Variants in ENAH observed in about 807,000 individuals in gnomAD.
The protein encoded by ENAH is protein enabled homolog.
A neutral mutation model predicts 78.7 loss-of-function variants in ENAH; 23 were observed. The observed-to-expected ratio is 0.29, with a 90% CI of 0.21 to 0.41. The LOEUF (loss-of-function observed/expected upper bound fraction) is 0.41. ENAH is among the 10% of genes least tolerant of loss of function. The pLI is 1.00. For missense variants in ENAH, 544 were observed against 691.0 expected, an observed-to-expected ratio of 0.79 and a Z score of 2.39; for synonymous variants, 226 against 241.0, an observed-to-expected ratio of 0.94 and a Z score of 0.58.
chr1:225,607,893 G>A (rs2096964912), intron 1 of ENAH, among the ~76,000 whole-genome samples: 1 of 152,108 alleles, frequency 6.6e-6, no homozygotes. Context: ...CCATGTCACA[G>A]GCCCATACCA....
intron 12 of ENAH, among the ~76,000 whole-genome samples, chr1:225,500,322 A>T (rs2096274837): frequency 6.6e-6 from 1 of 152,228 alleles, no homozygotes; most frequent in South Asian, 2.1e-4. Flanking sequence ...TATAAGGCAT[A>T]TGAATCCAAA....
At chr1:225,550,647 T>C (rs1024035777) in intron 3 of ENAH, among the ~76,000 whole-genome samples, 1 of 152,090 alleles carries the variant, frequency 6.6e-6, no homozygotes, top group African/African-American at 2.4e-5. Flanking sequence ...GGCCAAATTA[T>C]CATTAAAAAA....
chr1:225,635,562 G>A (rs1053215678), intron 1 of ENAH, among the ~76,000 whole-genome samples: 2 of 152,202 alleles, frequency 1.3e-5, no homozygotes, highest in South Asian at 2.1e-4. Flanking sequence ...ACTAATGAGA[G>A]AGATGAATGA....
intron 1 of ENAH, among the ~76,000 whole-genome samples, chr1:225,642,069 C>T (rs1021766372): frequency 5.3e-5 from 8 of 151,674 alleles, no homozygotes; most frequent in African/African-American, 2.4e-5. Context: ...GGCATGGTGA[C>T]GCACACCTGT....
intron 11 of ENAH, among the ~76,000 whole-genome samples, chr1:225,501,999 T>A (rs1369550558): frequency 6.6e-6 from 1 of 152,216 alleles, no homozygotes; most frequent in African/African-American, 2.4e-5. Flanking sequence ...CCCTCCTTTA[T>A]GAGCCACAAA....
At chr1:225,650,848 TAAAAAAAAAAAAAA>T (rs746549168) in intron 1 of ENAH, among the ~76,000 whole-genome samples, 1 of 58,938 alleles carries the variant, frequency 1.7e-5, no homozygotes, top group Non-Finnish European at 3.0e-5. Flanking sequence ...AGACTGCATT[TAAAAAAAAAAAAAA>T]AAAAAAAAAA....
intron 1 of ENAH, among the ~76,000 whole-genome samples, chr1:225,577,426 A>G (rs1426015125): frequency 6.6e-6 from 1 of 152,262 alleles, no homozygotes; most frequent in Non-Finnish European, 1.5e-5. Context: ...AGCAGATGCA[A>G]ATAACGGCAG....
At chr1:225,602,736 G>A (rs2096937235) in intron 1 of ENAH, among the ~76,000 whole-genome samples, 1 of 151,942 alleles carries the variant, frequency 6.6e-6, no homozygotes, top group Admixed American at 6.6e-5. Flanking sequence ...GGCCAACACT[G>A]TAAAAAATAA....
chr1:225,648,717 G>A (rs1340274411), intron 1 of ENAH, among the ~76,000 whole-genome samples: 1 of 149,150 alleles, frequency 6.7e-6, no homozygotes, highest in Non-Finnish European at 1.5e-5. Context: ...TATCTCACTT[G>A]ACACTTCACA....
intron 1 of ENAH, among the ~76,000 whole-genome samples, chr1:225,574,183 A>G (rs2096776635): frequency 6.6e-6 from 1 of 152,226 alleles, no homozygotes; most frequent in Non-Finnish European, 1.5e-5. Context: ...ATGACATTTC[A>G]AAGATTAAAG....
At chr1:225,594,812 C>T (rs1283501957) in intron 1 of ENAH, among the ~76,000 whole-genome samples, 1 of 152,176 alleles carries the variant, frequency 6.6e-6, no homozygotes, top group Non-Finnish European at 1.5e-5. Flanking sequence ...CTCTTTATGA[C>T]ATCTTTGCTA....
chr1:225,592,862 A>C (rs1158254538), intron 1 of ENAH, among the ~76,000 whole-genome samples: 1 of 152,150 alleles, frequency 6.6e-6, no homozygotes, highest in Non-Finnish European at 1.5e-5. Flanking sequence ...TCTGCTCACA[A>C]CTACTTTATA....
At chr1:225,558,779 G>A (rs1451516129) in intron 2 of ENAH, among the ~76,000 whole-genome samples, 4 of 151,734 alleles carry the variant, frequency 2.6e-5, no homozygotes, top group Non-Finnish European at 4.4e-5. Context: ...GACTACAGGC[G>A]CCCGCCAACA....
intron 1 of ENAH, among the ~76,000 whole-genome samples, chr1:225,609,121 C>G (rs751749637): frequency 4.6e-5 from 7 of 151,768 alleles, no homozygotes; most frequent in Non-Finnish European, 7.4e-5. Flanking sequence ...AAATCCCACT[C>G]CAGGAAGCAA....
rs564198044 is a variant in ENAH, at chr1:225,620,877, C to T, written c.5+31809G>A. 2.6e-5 allele frequency among the ~76,000 whole-genome samples: 4 copies of T among 151,888 alleles called. No individual in the cohort carries two copies. In the East Asian group the frequency reaches 5.9e-4, roughly 22 times the overall value. On this transcript the variant is annotated intron_variant, in intron 1 of 13. Transcript: ENST00000366843. ...AAAATTAGCTGGGCATGGTGGCGGG[C>T]GCCTGTATTCCCAGCTACTCAGGAG...
At chr1:225,520,253 C>T (rs1189291799) in intron 4 of ENAH, among the ~76,000 whole-genome samples, 1 of 151,566 alleles carries the variant, frequency 6.6e-6, no homozygotes, top group Non-Finnish European at 1.5e-5. Context: ...CGAGATCGTG[C>T]CACTGCACTC....
At chr1:225,626,810 C>T (rs1388489892) in intron 1 of ENAH, among the ~76,000 whole-genome samples, 2 of 152,152 alleles carry the variant, frequency 1.3e-5, no homozygotes, top group Non-Finnish European at 2.9e-5. Flanking sequence ...GGCAAAACCA[C>T]AATAGCGTTC....
chr1:225,624,291 AT>A (rs1225485471), intron 1 of ENAH, among the ~76,000 whole-genome samples: 1 of 152,102 alleles, frequency 6.6e-6, no homozygotes, highest in African/African-American at 2.4e-5. Context: ...AAAATTTAAG[AT>A]TAGCTGGTAG....
intron 3 of ENAH, among the ~76,000 whole-genome samples, chr1:225,534,424 TTTTTA>T (rs1357669534): frequency 6.6e-6 from 1 of 152,142 alleles, no homozygotes; most frequent in Non-Finnish European, 1.5e-5. Flanking sequence ...TTTTTTCTTT[TTTTTA>T]TTTTAAAGAA....
Sources: allele counts gnomAD v4.1 joint callset (sites outside exome capture counted in the v4.1 genomes callset), GRCh38; gene constraint gnomAD v4.1.1; transcripts MANE v1.5; gene names NCBI Gene and HGNC (gene_info 2026-07-23, HGNC 2026-07-21).